Variants in CLSTN2 observed in about 807,000 individuals in gnomAD.
The protein encoded by CLSTN2 is calsyntenin 2.
In CLSTN2, 48 loss-of-function variants were observed where a neutral mutation model predicts 101.2. The observed-to-expected ratio is 0.47, with a 90% CI of 0.38 to 0.60. The LOEUF is 0.60. Among genes scored for constraint, CLSTN2 ranks in the 20% least tolerant of loss-of-function variants. CLSTN2 has a pLI of 0.00. For missense variants in CLSTN2, 1,160 were observed against 1,238.2 expected, an observed-to-expected ratio of 0.94 and a Z score of 0.95; for synonymous variants, 481 against 463.6, an observed-to-expected ratio of 1.04 and a Z score of -0.48.
intron 9 of CLSTN2, among the ~76,000 whole-genome samples, chr3:140,533,976 G>A (rs1935311935): frequency 6.6e-6 from 1 of 152,138 alleles, no homozygotes; most frequent in Non-Finnish European, 1.5e-5. Flanking sequence ...TCACATGATA[G>A]CAAAATGTTT....
In CLSTN2 at chr3:140,106,636, G is replaced by T. The variant is rs542513489; in HGVS notation, c.110-69315G>T. Among the ~76,000 whole-genome samples, 5 of 152,280 alleles carry T rather than the reference G, an allele frequency of 3.3e-5. No homozygotes were observed. The South Asian group carries it at 1.0e-3, about 32-fold the overall frequency. ...CTCCAGGATGGCCCACAGGAAAATG[G>T]GAGGATCAGTTAGGTCTCCCTCAAA... On this transcript the variant is annotated intron_variant, in intron 1 of 16. Coordinates refer to ENST00000458420, the MANE Select transcript of CLSTN2 (RefSeq NM_022131.3).
chr3:140,293,684 C>T (rs893349014), intron 2 of CLSTN2, among the ~76,000 whole-genome samples: 4 of 152,056 alleles, frequency 2.6e-5, no homozygotes, highest in South Asian at 2.1e-4. Flanking sequence ...ATGAAGAAGA[C>T]GTTGATACCA....
chr3:139,948,258 T>G (rs1470409957), intron 1 of CLSTN2, among the ~76,000 whole-genome samples: 1 of 152,122 alleles, frequency 6.6e-6, no homozygotes, highest in African/African-American at 2.4e-5. Flanking sequence ...CTTTACAATT[T>G]GTGTTTTCTC....
intron 6 of CLSTN2, among the ~76,000 whole-genome samples, chr3:140,450,979 G>T (rs112389588): frequency 1.6e-3 from 239 of 152,158 alleles, no homozygotes; most frequent in African/African-American, 5.7e-3. Flanking sequence ...TGGTTATAAG[G>T]GATCTGCACT....
chr3:139,942,337 G>C (rs2107806967), intron 1 of CLSTN2, among the ~76,000 whole-genome samples: 1 of 152,266 alleles, frequency 6.6e-6, no homozygotes, highest in Non-Finnish European at 1.5e-5. Context: ...AGAGGAGGCA[G>C]CCTTCTGCAC....
At chr3:140,017,976 G>T (rs2007234981) in intron 1 of CLSTN2, among the ~76,000 whole-genome samples, 1 of 152,174 alleles carries the variant, frequency 6.6e-6, no homozygotes. Context: ...TATCATCTTG[G>T]TGCCTCTGCA....
chr3:140,217,472 A>C (rs770366603), intron 2 of CLSTN2, among the ~76,000 whole-genome samples: 2 of 152,216 alleles, frequency 1.3e-5, no homozygotes, highest in Non-Finnish European at 2.9e-5. Context: ...GAGATCCAGG[A>C]AAAACTGGTT....
chr3:140,012,256 G>T (rs2107751731), intron 1 of CLSTN2, among the ~76,000 whole-genome samples: 1 of 152,256 alleles, frequency 6.6e-6, no homozygotes, highest in Middle Eastern at 3.4e-3. Context: ...GATAGCAATT[G>T]AGTAAGAAGC....
At chr3:140,202,528 C>T (rs775542847) in intron 2 of CLSTN2, among the ~76,000 whole-genome samples, 16 of 152,146 alleles carry the variant, frequency 1.1e-4, no homozygotes, top group Non-Finnish European at 2.1e-4. Context: ...CAGGCATTCA[C>T]GTTAGAACGT....
chr3:140,413,134 A>G (rs989339165), intron 4 of CLSTN2, among the ~76,000 whole-genome samples: 12 of 152,174 alleles, frequency 7.9e-5, no homozygotes, highest in African/African-American at 2.9e-4. Flanking sequence ...AAACTAATTG[A>G]TAAACCTTTA....
chr3:140,519,313 G>C (rs1031590474), intron 8 of CLSTN2, among the ~76,000 whole-genome samples: 1 of 152,242 alleles, frequency 6.6e-6, no homozygotes, highest in East Asian at 1.9e-4. Flanking sequence ...TTGAGGTGGA[G>C]AGTTCTGTAG....
chr3:140,032,617 G>A (rs530337904), intron 1 of CLSTN2, among the ~76,000 whole-genome samples: 9 of 152,184 alleles, frequency 5.9e-5, no homozygotes, highest in East Asian at 1.9e-4. Flanking sequence ...GATAATGGGC[G>A]TGTACCACCA....
At chr3:140,559,547 G>T (rs1284169671) in intron 12 of CLSTN2, among the ~76,000 whole-genome samples, 2 of 151,522 alleles carry the variant, frequency 1.3e-5, no homozygotes, top group Non-Finnish European at 2.9e-5. Context: ...AGTATATGCT[G>T]GTGGCGGGGG....
rs977003755 is a variant in CLSTN2 at position 140,576,129 on chromosome 3, C to T, written c.*9876C>T. 6.6e-6 allele frequency: 1 copy of T among 152,230 alleles called. No homozygotes were observed. The highest frequency in any genetic ancestry group is 2.4e-5 in the African/African-American group (1 of 41,454). 9.4% of individuals were successfully genotyped at this position (152,230 alleles called of 1,614,324 possible). On this transcript the variant is annotated 3_prime_UTR_variant, in exon 17 of 17. Transcript: ENST00000458420. Reference sequence around the variant, plus strand: ...ACAGAGAAATGCATCCAGCCACACTCCCTCTTAGCTGAGGAGAAGCCTCTG... The same window carrying T: ...ACAGAGAAATGCATCCAGCCACACTTCCTCTTAGCTGAGGAGAAGCCTCTG...
intron 1 of CLSTN2, among the ~76,000 whole-genome samples, chr3:140,037,469 AT>A (rs2007676108): frequency 6.6e-6 from 1 of 152,170 alleles, no homozygotes; most frequent in Admixed American, 6.5e-5. Context: ...AAAATCTCGT[AT>A]TTAAAAAAAT....
chr3:140,472,477 T>G (rs543267066), intron 8 of CLSTN2, among the ~76,000 whole-genome samples: 7 of 152,240 alleles, frequency 4.6e-5, no homozygotes, highest in Non-Finnish European at 7.3e-5. Context: ...AATTGGAGAA[T>G]GGTCAGTGCA....
intron 1 of CLSTN2, among the ~76,000 whole-genome samples, chr3:140,020,950 G>A (rs368169278): frequency 2.0e-4 from 30 of 151,788 alleles, no homozygotes; most frequent in East Asian, 2.0e-3. Context: ...CTGCTGTGCC[G>A]TAAAAATGTA....
rs991034688 is a variant in CLSTN2 at position 140,562,894 on chromosome 3, C to T, written c.2296C>T (p.Arg766Cys). 9 of 1,614,002 alleles carry T rather than the reference C, an allele frequency of 5.6e-6. No individual in the cohort carries two copies. The highest frequency in any genetic ancestry group is 1.7e-5 in the Admixed American group (1 of 60,002). Residue 766 changes from arginine (R) to cysteine (C), a missense_variant, in exon 14 of 17, where the codon CGT (arginine) becomes TGT (cysteine). By Grantham distance (180) the Arg-to-Cys change is radical. Transcript: ENST00000458420. ...NWRPASLEAR[R>C]FRIKCSELNG... ...GCGTCCGGCTTCCCTTGAGGCCCGG[C>T]GTTTCCGGATTAAGTGCTCAGAACT... is the stretch of plus-strand genomic sequence containing the variant.
intron 2 of CLSTN2, among the ~76,000 whole-genome samples, chr3:140,327,360 C>A (rs1261999956): frequency 6.6e-6 from 1 of 152,196 alleles, no homozygotes; most frequent in Non-Finnish European, 1.5e-5. Context: ...CACTCACAAC[C>A]TGCCTCTGTT....
Sources: allele counts gnomAD v4.1 joint callset (sites outside exome capture counted in the v4.1 genomes callset), GRCh38; gene constraint gnomAD v4.1.1; transcripts MANE v1.5; gene names NCBI Gene and HGNC (gene_info 2026-07-23, HGNC 2026-07-21).